The following PIGL variants were observed in gnomAD, a reference collection of about 807,000 sequenced individuals.
PIGL encodes the protein N-acetylglucosaminyl-phosphatidylinositol de-N-acetylase.
In PIGL, 22 loss-of-function variants were observed where a neutral mutation model predicts 31.1. The observed-to-expected ratio is 0.71, with a 90% CI of 0.51 to 1.01. PIGL has a LOEUF of 1.01. Ranked by LOEUF, PIGL falls within the 50% of genes least tolerant of loss-of-function variation. The pLI is 0.00. For synonymous variants in PIGL, 131 were observed against 117.4 expected (o/e 1.12, Z -0.75); for missense variants, 302 against 315.9 (o/e 0.96, Z 0.33).
intron 2 of PIGL, among the ~76,000 whole-genome samples, chr17:16,296,729 T>C (rs1156519369): frequency 6.6e-6 from 1 of 150,832 alleles, no homozygotes; most frequent in East Asian, 1.9e-4. Context: ...ACACATTTCT[T>C]TACAGTTCTT....
intron 3 of PIGL, among the ~76,000 whole-genome samples, chr17:16,309,576 A>G (rs1013236667): frequency 2.6e-5 from 4 of 151,584 alleles, no homozygotes; most frequent in African/African-American, 9.7e-5. Context: ...GCCTGGCCAC[A>G]TAACGAAACC....
At chr17:16,231,286 G>A (rs921105804) in intron 1 of PIGL, among the ~76,000 whole-genome samples, 1 of 145,804 alleles carries the variant, frequency 6.9e-6, no homozygotes, top group African/African-American at 2.6e-5. Flanking sequence ...CCAGGCTGTA[G>A]TGCAGTGGTG....
rs955248879 is a variant in PIGL, at chr17:16,246,075, G to A, written c.335+12005G>A. Among the ~76,000 whole-genome samples, 15 of 150,626 alleles carry A rather than the reference G, an allele frequency of 1.0e-4. No homozygotes were observed. The South Asian group carries it at 1.9e-3, about 19-fold the overall frequency. Reference sequence around the variant, plus strand: ...ACTGACCTTGTGATCCACCCGCCTCGGCCTCCCAAAGTGCTGGGATTACAG... The same window carrying A: ...ACTGACCTTGTGATCCACCCGCCTCAGCCTCCCAAAGTGCTGGGATTACAG... On this transcript the variant is annotated intron_variant, in intron 2 of 6. Coordinates refer to ENST00000225609, the MANE Select transcript of PIGL (RefSeq NM_004278.4).
intron 2 of PIGL, among the ~76,000 whole-genome samples, chr17:16,262,277 T>A (rs1485632063): frequency 6.6e-6 from 1 of 152,088 alleles, no homozygotes; most frequent in African/African-American, 2.4e-5. Flanking sequence ...AGTAGGCATT[T>A]CTCCAAAGAA....
At chr17:16,278,402 T>A (rs2092904268) in intron 2 of PIGL, among the ~76,000 whole-genome samples, 1 of 152,196 alleles carries the variant, frequency 6.6e-6, no homozygotes, top group Non-Finnish European at 1.5e-5. Context: ...AACCCGATTC[T>A]TAATAAAACT....
intron 2 of PIGL, among the ~76,000 whole-genome samples, chr17:16,263,492 TG>T (rs1331503116): frequency 1.3e-5 from 2 of 151,092 alleles, no homozygotes; most frequent in African/African-American, 4.9e-5. Flanking sequence ...TTTGTTTTAT[TG>T]GTTTTTTTTT....
At chr17:16,291,506 C>CAA (rs71150287) in intron 2 of PIGL, among the ~76,000 whole-genome samples, 2 of 99,780 alleles carry the variant, frequency 2.0e-5, no homozygotes, top group Non-Finnish European at 4.1e-5. Context: ...GACTCTGGCT[C>CAA]AAAAAAAAAA....
intron 1 of PIGL, among the ~76,000 whole-genome samples, chr17:16,221,772 A>G (rs974895985): frequency 8.5e-5 from 13 of 152,236 alleles, no homozygotes; most frequent in Middle Eastern, 3.4e-3. Flanking sequence ...GGTGCCCGCC[A>G]CTATGCCCAG....
At chr17:16,220,504 T>TTTTTTG (rs2092623102) in intron 1 of PIGL, among the ~76,000 whole-genome samples, 1 of 144,506 alleles carries the variant, frequency 6.9e-6, no homozygotes, top group African/African-American at 2.6e-5. Context: ...TTTTTTTTTT[T>TTTTTTG]TTGAGGCAGA....
At chr17:16,283,501 C>T (rs4792728) in intron 2 of PIGL, among the ~76,000 whole-genome samples, 66,863 of 151,840 alleles carry the variant, frequency 0.44, 15,389 homozygotes, top group Middle Eastern at 0.55. Flanking sequence ...GAGCCATGCT[C>T]ATTCAAGACT....
In PIGL at chr17:16,252,607, CATAT is replaced by C. The variant is rs72006664; in HGVS notation, c.335+18543_335+18546del. Among the ~76,000 whole-genome samples, 547 of 149,736 alleles carry C rather than the reference CATAT, an allele frequency of 3.7e-3. 21 individuals carry two copies. In the East Asian group the frequency reaches 0.095, roughly 26 times the overall value. On this transcript the variant is annotated intron_variant, in intron 2 of 6. Coordinates refer to ENST00000225609, the MANE Select transcript of PIGL (RefSeq NM_004278.4). Reference sequence around the variant, plus strand: ...AATTATATGTATATAATTTTTAAAACATATATATAATTTAAAAGACTATCCTACA... The same window carrying C: ...AATTATATGTATATAATTTTTAAAACATATAATTTAAAAGACTATCCTACA...
At chr17:16,322,135 C>A (rs1278654801) in intron 6 of PIGL, among the ~76,000 whole-genome samples, 1 of 151,256 alleles carries the variant, frequency 6.6e-6, no homozygotes, top group Non-Finnish European at 1.5e-5. Context: ...GCTCTGTCAC[C>A]CAGGCTGGAG....
chr17:16,325,311 C>G (rs1280947036), intron 6 of PIGL, among the ~76,000 whole-genome samples: 1 of 133,586 alleles, frequency 7.5e-6, no homozygotes, highest in Non-Finnish European at 1.5e-5. Context: ...CGCCACTGCA[C>G]TCCAGCCTGG....
chr17:16,313,921 G>A (rs2093065429), intron 4 of PIGL, among the ~76,000 whole-genome samples: 1 of 152,138 alleles, frequency 6.6e-6, no homozygotes, highest in Non-Finnish European at 1.5e-5. Flanking sequence ...GGAAGCTTGA[G>A]GGCCAAATTT....
At chr17:16,262,486 C>T (rs558564845) in intron 2 of PIGL, among the ~76,000 whole-genome samples, 3 of 152,182 alleles carry the variant, frequency 2.0e-5, no homozygotes, top group East Asian at 1.9e-4. Flanking sequence ...AAAAATGATG[C>T]AGCCACCACA....
At chr17:16,230,069 G>A (rs754156698) in intron 1 of PIGL, among the ~76,000 whole-genome samples, 1 of 151,884 alleles carries the variant, frequency 6.6e-6, no homozygotes, top group African/African-American at 2.4e-5. Context: ...CACTATGTTG[G>A]CCAGGATGGT....
At position 16,266,556 on chromosome 17, in the gene PIGL, C is replaced by G. The variant is rs144967189; in HGVS notation, c.335+32486C>G. ...TGACCGAATCAAGACCTTTAACTGC[C>G]TAGTAGACTGACTTACAAGTGGAGC... On this transcript the variant is annotated intron_variant, in intron 2 of 6. Coordinates refer to ENST00000225609, the MANE Select transcript of PIGL (RefSeq NM_004278.4). 2.7e-3 allele frequency among the ~76,000 whole-genome samples: 410 copies of G among 152,084 alleles called. 2 individuals carry two copies. The highest frequency in any genetic ancestry group is 9.4e-3 in the African/African-American group (389 of 41,508).
intron 2 of PIGL, among the ~76,000 whole-genome samples, chr17:16,276,990 C>T (rs1267411132): frequency 3.3e-5 from 5 of 152,162 alleles, no homozygotes; most frequent in Non-Finnish European, 4.4e-5. Context: ...TTTTTTAAAG[C>T]TGAGCCCAGC....
intron 1 of PIGL, among the ~76,000 whole-genome samples, chr17:16,224,279 C>G (rs1443241799): frequency 6.6e-6 from 1 of 151,992 alleles, no homozygotes; most frequent in African/African-American, 2.4e-5. Flanking sequence ...TATGAATAGT[C>G]TTCTGATTGT....
Sources: allele counts gnomAD v4.1 joint callset (sites outside exome capture counted in the v4.1 genomes callset), GRCh38; gene constraint gnomAD v4.1.1; transcripts MANE v1.5; gene names NCBI Gene and HGNC (gene_info 2026-07-23, HGNC 2026-07-21).